Variants in PASK observed in about 807,000 individuals in gnomAD.
PASK encodes the protein PAS domain-containing serine/threonine-protein kinase.
Under a neutral mutation model 121.0 loss-of-function variants are expected in PASK, and 110 were observed. The observed-to-expected ratio is 0.91, with a 90% confidence interval of 0.78 to 1.06. The LOEUF is 1.06. Ranked by LOEUF, PASK falls within the 50% of genes least tolerant of loss-of-function variation. The pLI is 0.00. For missense variants in PASK, 1,643 were observed against 1,702.3 expected, an observed-to-expected ratio of 0.97 and a Z score of 0.61; for synonymous variants, 686 against 717.8, an observed-to-expected ratio of 0.96 and a Z score of 0.71.
rs984858641 is a variant in PASK at position 241,108,411 on chromosome 2, G to T, written c.3534-111C>A. ...CGACCAGCACACAGGCCAGGCAGTGGTTTCCCAAGAGGAGGGTCACTCCAC... is the reference window on the plus strand; with the variant it reads ...CGACCAGCACACAGGCCAGGCAGTGTTTTCCCAAGAGGAGGGTCACTCCAC... On this transcript the variant is annotated intron_variant, in intron 15 of 17. Coordinates refer to ENST00000234040, the MANE Select transcript of PASK (RefSeq NM_015148.4). This position sits in a 1 kb window ranked among gnomAD's most constrained non-coding sequence, Gnocchi z 5.2. 1 of 1,122,878 alleles carries T rather than the reference G, an allele frequency of 8.9e-7. No homozygotes were observed. The highest frequency in any genetic ancestry group is 1.3e-6 in the Non-Finnish European group (1 of 756,636). The allele number at this position is 1,122,878 out of a possible 1,614,324, so 69.6% of individuals were successfully genotyped here. A position where few individuals can be genotyped will look rare whatever the true frequency, so the allele number is the denominator to read the frequency against.
At chr2:241,149,537 A>T, upstream of PASK, 1 of 943,168 alleles carries the variant, frequency 1.1e-6, no homozygotes, top group Non-Finnish European at 1.6e-6. Context: ...CGGACCAGCC[A>T]CTTGCGCGTA....
chr2:241,109,037 TCA>T (rs879296572), intron 15 of PASK: 25,045 of 151,600 alleles, frequency 0.17, 5,674 homozygotes, highest in African/African-American at 0.35. Flanking sequence ...GTAAACATCC[TCA>T]TCCACGCTAC....
chr2:241,116,871 C>T (rs75369095), intron 12 of PASK, among the ~76,000 whole-genome samples: 28,699 of 152,078 alleles, frequency 0.19, 2,899 homozygotes, highest in Middle Eastern at 0.32. Context: ...AGTGAGATCA[C>T]GCACCAAGGA....
intron 8 of PASK, chr2:241,134,293 G>A (rs981391763): frequency 2.0e-5 from 3 of 152,208 alleles, no homozygotes; most frequent in Admixed American, 1.3e-4. Flanking sequence ...AAAAGGGGAA[G>A]GGGAATATAA....
In PASK at chr2:241,127,119, C is replaced by A. The variant is rs1257904376; in HGVS notation, c.1796G>T (p.Gly599Val). Residue 599 changes from glycine (G) to valine (V), a missense_variant, in exon 10 of 18, where the codon GGT becomes GTT. By Grantham distance (109) the Gly-to-Val change is moderately radical. Coordinates refer to ENST00000234040, the MANE Select transcript of PASK (RefSeq NM_015148.4). ...GAAVAKPQAK[G>V]QLAGGSLLMH... is the part of the protein sequence containing the mutation. ...CAGGAGGCTGCCCCCCGCCAGCTGA[C>A]CCTTGGCCTGGGGCTTGGCCACGGC... The A allele has an allele frequency of 1.9e-6, 3 of 1,614,070 alleles. No individual in the cohort carries two copies. The highest frequency in any genetic ancestry group is 1.7e-5 in the Admixed American group (1 of 60,034).
chr2:241,129,685 T>C (rs2240545), intron 9 of PASK, among the ~76,000 whole-genome samples: 3,336 of 152,356 alleles, frequency 0.022, 261 homozygotes, highest in East Asian at 0.21. Context: ...TCAGGAAACA[T>C]GAGGACATCC....
rs534297839 is a variant in PASK at position 241,109,245 on chromosome 2, A to G, written c.3534-945T>C. 3.3e-5 allele frequency: 5 copies of G among 152,472 alleles called. No individual in the cohort carries two copies. The East Asian group carries it at 7.7e-4, about 24-fold the overall frequency. The allele number at this position is 152,472 out of a possible 1,614,324, so 9.4% of individuals were successfully genotyped here. A position where few individuals can be genotyped will look rare whatever the true frequency, so the allele number is the denominator to read the frequency against. ...TGGCTTAACCCAAATCCTCACAACA[A>G]CCTAGCAAGATAAATATGACTTTCA... On this transcript the variant is annotated intron_variant, in intron 15 of 17. Coordinates refer to ENST00000234040, the MANE Select transcript of PASK (RefSeq NM_015148.4).
At position 241,127,094 on chromosome 2, in the gene PASK, C is replaced by T. The variant is rs993913487; in HGVS notation, c.1821G>A (p.Leu607=). 5.0e-6 allele frequency: 8 copies of T among 1,613,938 alleles called. No homozygotes were observed. The highest frequency in any genetic ancestry group is 6.8e-6 in the Non-Finnish European group (8 of 1,180,026). Reference sequence around the variant, plus strand: ...CACTCCCATAGCAAGGGCAGTGCATCAGGAGGCTGCCCCCCGCCAGCTGAC... The same window carrying T: ...CACTCCCATAGCAAGGGCAGTGCATTAGGAGGCTGCCCCCCGCCAGCTGAC... ...AKGQLAGGSL[L]MHCPCYGSEW... Residue 607 remains leucine (L), a synonymous_variant, in exon 10 of 18, where the codon CTG becomes CTA. Transcript: ENST00000234040.
At chr2:241,127,751 A>C (rs1575289430) in intron 9 of PASK, 4 of 397,226 alleles carry the variant, frequency 1.0e-5, no homozygotes, top group East Asian at 6.0e-5. Context: ...GGGCCCCCAA[A>C]CCCCCCGTCA....
At chr2:241,109,242 A>G (rs1347763383) in intron 15 of PASK, 1 of 152,438 alleles carries the variant, frequency 6.6e-6, no homozygotes, top group African/African-American at 2.4e-5. Flanking sequence ...AATCCTCACA[A>G]CAACCTAGCA....
chr2:241,149,785 G>A, upstream of PASK: 3 of 1,535,580 alleles, frequency 2.0e-6, no homozygotes, highest in African/African-American at 4.1e-5. Context: ...TCATGGGCCG[G>A]GTGGCTCCGC....
At chr2:241,107,687 GA>G (rs1438152862) in intron 16 of PASK, among the ~76,000 whole-genome samples, 188 bp from the exon 17 acceptor site, 3 of 152,246 alleles carry the variant, frequency 2.0e-5, no homozygotes, top group Non-Finnish European at 2.9e-5. Flanking sequence ...CCTCTGAAAT[GA>G]AAGCTTGGAG....
intron 12 of PASK, among the ~76,000 whole-genome samples, chr2:241,119,378 G>C (rs748203345): frequency 6.6e-6 from 1 of 151,576 alleles, no homozygotes; most frequent in Admixed American, 6.6e-5. Flanking sequence ...GGCATCATGT[G>C]CCCACCCTCC....
intron 2 of PASK, among the ~76,000 whole-genome samples, chr2:241,141,977 T>G (rs2066720341): frequency 6.6e-6 from 1 of 152,140 alleles, no homozygotes; most frequent in South Asian, 2.1e-4. Flanking sequence ...ACCAGAATGA[T>G]GCTCCAAAAA....
chr2:241,150,133 G>A (rs1053992341), upstream of PASK: 3 of 1,269,914 alleles, frequency 2.4e-6, no homozygotes, highest in Admixed American at 1.2e-4. Context: ...CTCCGAGGTC[G>A]AGACAGTGAC....
intron 12 of PASK, chr2:241,118,761 AG>A: frequency 7.3e-6 from 2 of 274,728 alleles, no homozygotes. Flanking sequence ...AGGGGCTGGC[AG>A]GGGCCCACGG....
chr2:241,140,497 T>C (rs745757695), intron 3 of PASK, 24 bp downstream of exon 3: 19 of 1,477,816 alleles, frequency 1.3e-5, no homozygotes, highest in Middle Eastern at 1.7e-4. Flanking sequence ...TCTACACAGC[T>C]GGATCTAAAA....
Position 241,127,465 on chromosome 2 carries a change from CA to C in PASK, c.1464-15del. The C allele has an allele frequency of 6.2e-7, 1 of 1,606,968 alleles. No individual in the cohort carries two copies. The highest frequency in any genetic ancestry group is 8.5e-7 in the Non-Finnish European group (1 of 1,173,628). On this transcript the variant is annotated splice_polypyrimidine_tract_variant and intron_variant, in intron 9 of 17. Transcript: ENST00000234040. ...ACATTGTCCACCCTGGGGATAATGA[CA>C]TGGGTGACCATCATGTAGGGCCACA... is the stretch of plus-strand genomic sequence containing the variant.
intron 16 of PASK, 28 bp from the exon 17 acceptor site, chr2:241,107,527 G>T (rs764864658): frequency 1.4e-5 from 22 of 1,611,022 alleles, no homozygotes; most frequent in Non-Finnish European, 1.9e-5. Flanking sequence ...ACAGATGGTA[G>T]GTCCAGATTG....
Sources: allele counts gnomAD v4.1 joint callset (sites outside exome capture counted in the v4.1 genomes callset), GRCh38; gene constraint gnomAD v4.1.1; non-coding constraint Gnocchi (gnomAD v3.1); transcripts MANE v1.5; gene names NCBI Gene and HGNC (gene_info 2026-07-23, HGNC 2026-07-21).